Variants in IL12RB2 observed in about 807,000 individuals in gnomAD.
IL12RB2 encodes interleukin-12 receptor subunit beta-2.
A neutral mutation model predicts 89.4 loss-of-function variants in IL12RB2; 82 were observed. The ratio of observed to expected loss-of-function variants is 0.92; its 90% CI spans 0.77 to 1.10. The LOEUF (loss-of-function observed/expected upper bound fraction) is 1.10. Ranked by LOEUF, IL12RB2 falls within the 50% of genes least tolerant of loss-of-function variation. The pLI is 0.00. For synonymous variants in IL12RB2, 368 were observed against 370.1 expected (o/e 0.99, Z 0.07); for missense variants, 963 against 1,031.9 (o/e 0.93, Z 0.92).
intron 8 of IL12RB2, among the ~76,000 whole-genome samples, chr1:67,333,045 T>C (rs1658295927): frequency 6.6e-6 from 1 of 152,326 alleles, no homozygotes; most frequent in South Asian, 2.1e-4. Context: ...TGATTATGAA[T>C]TGAACCTAGG....
At chr1:67,361,565 T>A (rs1180160664) in intron 10 of IL12RB2, among the ~76,000 whole-genome samples, 3 of 150,720 alleles carry the variant, frequency 2.0e-5, no homozygotes, top group African/African-American at 7.3e-5. Flanking sequence ...GGGGGAGGAG[T>A]TTTTGAGCTT....
chr1:67,359,013 C>T (rs184404317), intron 10 of IL12RB2, among the ~76,000 whole-genome samples: 202 of 151,920 alleles, frequency 1.3e-3, no homozygotes, highest in African/African-American at 4.3e-3. Context: ...TAGTGGTGCA[C>T]GCCTGTAGTT....
intron 8 of IL12RB2, 52 bp downstream of exon 8, chr1:67,330,862 G>C (rs764144222): frequency 1.1e-5 from 11 of 960,194 alleles, no homozygotes; most frequent in African/African-American, 4.8e-5. Context: ...GGGGAGAGAG[G>C]GGGGAAGATG....
chr1:67,360,243 A>G (rs1302120287), intron 10 of IL12RB2, among the ~76,000 whole-genome samples: 1 of 151,574 alleles, frequency 6.6e-6, no homozygotes, highest in Non-Finnish European at 1.5e-5. Flanking sequence ...CTCTACTAAA[A>G]ATGCAAATTA....
chr1:67,338,471 T>G (rs1659128911), intron 8 of IL12RB2, among the ~76,000 whole-genome samples, 153 bp from the exon 9 acceptor site: 1 of 151,740 alleles, frequency 6.6e-6, no homozygotes, highest in African/African-American at 2.4e-5. Context: ...ATATGTTCAT[T>G]GTTAAACAAG....
chr1:67,369,373 A>G (rs1427582925), intron 11 of IL12RB2, among the ~76,000 whole-genome samples: 1 of 152,202 alleles, frequency 6.6e-6, no homozygotes, highest in Non-Finnish European at 1.5e-5. Context: ...TCTGGAGAGG[A>G]AAACTAAAAC....
At chr1:67,351,938 A>G (rs1660896406) in intron 10 of IL12RB2, among the ~76,000 whole-genome samples, 1 of 152,202 alleles carries the variant, frequency 6.6e-6, no homozygotes, top group South Asian at 2.1e-4. Flanking sequence ...AAAAATGCCT[A>G]ATAGAGTAAA....
intron 11 of IL12RB2, among the ~76,000 whole-genome samples, chr1:67,372,097 T>A (rs1263098834): frequency 6.6e-6 from 1 of 151,728 alleles, no homozygotes; most frequent in African/African-American, 2.4e-5. Flanking sequence ...TGTGTGTGTG[T>A]GGTTATATTT....
chr1:67,370,098 T>G (rs1207355512), intron 11 of IL12RB2, among the ~76,000 whole-genome samples: 3 of 151,812 alleles, frequency 2.0e-5, no homozygotes, highest in African/African-American at 7.3e-5. Context: ...TTGGAAACAC[T>G]TGGTTAGCTA....
intron 10 of IL12RB2, among the ~76,000 whole-genome samples, chr1:67,358,882 C>T (rs1384868575): frequency 2.0e-5 from 3 of 152,064 alleles, no homozygotes; most frequent in African/African-American, 7.2e-5. Flanking sequence ...TGGCTCATGC[C>T]TATAATCTCA....
At chr1:67,320,742 TC>T (rs1656381569) in intron 3 of IL12RB2, among the ~76,000 whole-genome samples, 1 of 152,244 alleles carries the variant, frequency 6.6e-6, no homozygotes, top group African/African-American at 2.4e-5. Context: ...TTTTTTCTTT[TC>T]TTTTTTTTAT....
chr1:67,357,754 C>T (rs1171113709), intron 10 of IL12RB2, among the ~76,000 whole-genome samples: 1 of 152,006 alleles, frequency 6.6e-6, no homozygotes, highest in African/African-American at 2.4e-5. Context: ...CTAACTCAGC[C>T]GATGGGATGA....
At chr1:67,372,067 CGTGTGTGTGTCTGT>C (rs1663411551) in intron 11 of IL12RB2, among the ~76,000 whole-genome samples, 1 of 151,184 alleles carries the variant, frequency 6.6e-6, no homozygotes, top group African/African-American at 2.4e-5. Context: ...AGTCTGGGTG[CGTGTGTGTGTCTGT>C]GTGTGTGTGT....
Position 67,379,967 on chromosome 1 carries a change from T to A in IL12RB2, c.1718-19T>A. On this transcript the variant is annotated intron_variant, in intron 13 of 16. Coordinates refer to ENST00000674203, the MANE Select transcript of IL12RB2 (RefSeq NM_001374259.2). ...CATATCCTTTAATACATGCCTTTCT[T>A]CCTTTATCTTCCTTTCAGAAATTCC... 2.1e-6 allele frequency: 3 copies of A among 1,423,246 alleles called. No individual in the cohort carries two copies. Among genetic ancestry groups the A allele is most frequent in the Non-Finnish European group, 1.9e-6 (2 of 1,033,830 alleles). 88.2% of individuals were successfully genotyped at this position (1,423,246 alleles called of 1,614,324 possible). A position where few individuals can be genotyped will look rare whatever the true frequency, so the allele number is the denominator to read the frequency against.
At chr1:67,338,864 G>A in intron 9 of IL12RB2, 161 bp downstream of exon 9, 1 of 655,304 alleles carries the variant, frequency 1.5e-6, no homozygotes, top group Non-Finnish European at 2.8e-6. Context: ...TGGTGGATAG[G>A]GGTGAGAGCT....
intron 8 of IL12RB2, among the ~76,000 whole-genome samples, chr1:67,337,757 A>C (rs1658953942): frequency 6.6e-6 from 1 of 152,194 alleles, no homozygotes; most frequent in Admixed American, 6.5e-5. Flanking sequence ...TCACACACCA[A>C]ATAATTGTAC....
At chr1:67,371,275 C>T (rs1321857213) in intron 11 of IL12RB2, among the ~76,000 whole-genome samples, 3 of 152,178 alleles carry the variant, frequency 2.0e-5, no homozygotes, top group Non-Finnish European at 4.4e-5. Context: ...TTGATCTTGT[C>T]ATGGTCTCTT....
chr1:67,365,806 G>A (rs1242748321), intron 10 of IL12RB2, among the ~76,000 whole-genome samples: 6 of 152,134 alleles, frequency 3.9e-5, no homozygotes, highest in African/African-American at 1.4e-4. Context: ...AAACCAATAG[G>A]AGAAAATGTA....
At chr1:67,307,526 A>G (rs983867239), upstream of IL12RB2, 2 of 152,282 alleles carry the variant, frequency 1.3e-5, no homozygotes, top group Non-Finnish European at 2.9e-5. Context: ...GCTCCGTCTT[A>G]TGAGACAGGC....
Sources: gnomAD v4.1 joint callset for allele counts (sites outside exome capture counted in the v4.1 genomes callset) on GRCh38, gnomAD v4.1.1 for gene constraint, MANE v1.5 for transcripts, NCBI Gene and HGNC (gene_info 2026-07-23, HGNC 2026-07-21) for gene names.